RSRC1: variants seen among roughly 807,000 people sequenced by gnomAD.
RSRC1 encodes the protein arginine and serine rich coiled-coil 1.
In RSRC1, 39 loss-of-function variants were observed where a neutral mutation model predicts 49.1. That is an observed-to-expected ratio of 0.79 (90% CI 0.61 to 1.04). The LOEUF (loss-of-function observed/expected upper bound fraction) is 1.04, where lower values mean the gene tolerates loss of function less well. Among genes scored for constraint, RSRC1 ranks in the 50% least tolerant of loss-of-function variants. RSRC1 has a pLI of 0.00. For missense variants in RSRC1, 388 were observed against 402.4 expected (o/e 0.96, Z 0.31); for synonymous variants, 143 against 130.8 (o/e 1.09, Z -0.63).
chr3:158,444,790 A>T (rs1455141389), intron 6 of RSRC1, among the ~76,000 whole-genome samples: 15 of 152,196 alleles, frequency 9.9e-5, no homozygotes, highest in Non-Finnish European at 1.6e-4. Flanking sequence ...GAATCTACAA[A>T]GAACTCAAAC....
intron 6 of RSRC1, among the ~76,000 whole-genome samples, chr3:158,395,284 G>A (rs1216828472): frequency 4.6e-5 from 7 of 151,976 alleles, no homozygotes; most frequent in Admixed American, 1.3e-4. Context: ...AAGATTTCAC[G>A]ACGAAGATAC....
intron 4 of RSRC1, among the ~76,000 whole-genome samples, chr3:158,215,348 C>T (rs75370719): frequency 0.016 from 2,390 of 148,398 alleles, 84 homozygotes; most frequent in African/African-American, 0.056. Flanking sequence ...TGCTGTGTTG[C>T]CCAGGCTGGT....
chr3:158,456,200 G>A (rs1039323397), intron 6 of RSRC1, among the ~76,000 whole-genome samples: 2 of 151,782 alleles, frequency 1.3e-5, no homozygotes, highest in Non-Finnish European at 1.5e-5. Context: ...CATGAGGAAC[G>A]CACTTCTTGC....
At chr3:158,115,693 A>G (rs1239541744) in intron 1 of RSRC1, among the ~76,000 whole-genome samples, 2 of 152,106 alleles carry the variant, frequency 1.3e-5, no homozygotes, top group Non-Finnish European at 2.9e-5. Flanking sequence ...GCAAATCTCT[A>G]ATGTCTGGTT....
intron 6 of RSRC1, among the ~76,000 whole-genome samples, chr3:158,413,151 C>G (rs1490254768): frequency 6.6e-6 from 1 of 151,998 alleles, no homozygotes; most frequent in Non-Finnish European, 1.5e-5. Context: ...ACACATAGAC[C>G]AATGGAACAG....
intron 3 of RSRC1, among the ~76,000 whole-genome samples, chr3:158,142,224 T>C (rs1180036806): frequency 6.6e-6 from 1 of 152,222 alleles, no homozygotes; most frequent in Non-Finnish European, 1.5e-5. Context: ...TCATTGTAGA[T>C]TTTTGTTTCT....
At chr3:158,332,950 A>G (rs1333942086) in intron 5 of RSRC1, among the ~76,000 whole-genome samples, 1 of 150,502 alleles carries the variant, frequency 6.6e-6, no homozygotes, top group African/African-American at 2.4e-5. Flanking sequence ...TTTTTCTCTT[A>G]GGGATGCTTT....
At chr3:158,478,948 CA>C (rs10603914) in intron 7 of RSRC1, among the ~76,000 whole-genome samples, 4,524 of 112,258 alleles carry the variant, frequency 0.04, 72 homozygotes, top group Non-Finnish European at 0.045. Context: ...GGAGAAAAAG[CA>C]AAAAAAAAAA....
intron 4 of RSRC1, among the ~76,000 whole-genome samples, chr3:158,274,847 G>C (rs2698322): frequency 0.48 from 72,373 of 151,914 alleles, 17,792 homozygotes; most frequent in East Asian, 0.64. Flanking sequence ...CATATGGTTG[G>C]AAACCATGCA....
chr3:158,217,536 C>G (rs1402911136), intron 4 of RSRC1, among the ~76,000 whole-genome samples: 1 of 151,502 alleles, frequency 6.6e-6, no homozygotes, highest in South Asian at 2.1e-4. Flanking sequence ...TGTTAGGTTC[C>G]TCACATTAAA....
chr3:158,446,333 C>G (rs533731580), intron 6 of RSRC1, among the ~76,000 whole-genome samples: 1 of 149,476 alleles, frequency 6.7e-6, no homozygotes. Context: ...AGAGAAATTT[C>G]AAGAGTACTA....
chr3:158,323,747 C>A (rs1728896868), intron 5 of RSRC1, among the ~76,000 whole-genome samples: 1 of 151,984 alleles, frequency 6.6e-6, no homozygotes, highest in Non-Finnish European at 1.5e-5. Context: ...TTTTGTCTGC[C>A]TTTGGTTATT....
rs35460810 is a variant in RSRC1 at position 158,147,102 on chromosome 3, CTTTTTTTTTTTT to C, written c.320+23127_320+23138del. ...CCTTTTCTTTCTTCTGCTTTTCTGC[CTTTTTTTTTTTT>C]TTTTTTTTTTTTTTTGCTGATGTAT... On this transcript the variant is annotated intron_variant, in intron 3 of 9. Transcript: ENST00000611884. Among the ~76,000 whole-genome samples the C allele has an allele frequency of 7.5e-4, 26 of 34,738 alleles. 1 individual carries two copies. Among genetic ancestry groups the C allele is most frequent in the African/African-American group, 2.7e-3 (18 of 6,616 alleles). 22.8% of individuals were successfully genotyped at this position (34,738 alleles called of 152,430 possible). A position where few individuals can be genotyped will look rare whatever the true frequency, so the allele number is the denominator to read the frequency against.
chr3:158,133,489 A>G (rs1177383756), intron 3 of RSRC1, among the ~76,000 whole-genome samples: 9 of 152,198 alleles, frequency 5.9e-5, no homozygotes, highest in East Asian at 3.8e-4. Context: ...CAGTGAAACA[A>G]CCAAGATTTA....
At chr3:158,127,215 A>G (rs747566554) in intron 3 of RSRC1, among the ~76,000 whole-genome samples, 3 of 152,142 alleles carry the variant, frequency 2.0e-5, no homozygotes, top group Non-Finnish European at 4.4e-5. Flanking sequence ...ATGTCTTCAA[A>G]TAAGCTCTCT....
At position 158,328,460 on chromosome 3, in the gene RSRC1, C is replaced by T. The variant is rs1729318358; in HGVS notation, c.532-26397C>T. 2.6e-5 allele frequency among the ~76,000 whole-genome samples: 4 copies of T among 152,212 alleles called. No homozygotes were observed. The East Asian group carries it at 7.7e-4, about 29-fold the overall frequency. ...CAAAAATCTCTCAGCATTTGCTTGT[C>T]TGTAGAGGATTGTATTTCTCCTTCA... On this transcript the variant is annotated intron_variant, in intron 5 of 9. Transcript: ENST00000611884.
chr3:158,398,270 T>G (rs1327705130), intron 6 of RSRC1, among the ~76,000 whole-genome samples: 1 of 152,058 alleles, frequency 6.6e-6, no homozygotes, highest in African/African-American at 2.4e-5. Flanking sequence ...AGAAACTTAT[T>G]TCTCACAGTT....
intron 6 of RSRC1, among the ~76,000 whole-genome samples, chr3:158,426,075 A>T (rs1302949866): frequency 6.6e-6 from 1 of 151,736 alleles, no homozygotes; most frequent in Non-Finnish European, 1.5e-5. Context: ...TTTATTGTTC[A>T]TATGGAAATT....
At chr3:158,122,383 A>T (rs760743090) in intron 2 of RSRC1, 85 bp downstream of exon 2, 37 of 1,094,696 alleles carry the variant, frequency 3.4e-5, no homozygotes, top group Non-Finnish European at 4.2e-5. Context: ...TTTGCTAGAT[A>T]AAACATTTTT....
Sources: allele counts gnomAD v4.1 joint callset (sites outside exome capture counted in the v4.1 genomes callset), GRCh38; gene constraint gnomAD v4.1.1; transcripts MANE v1.5; gene names NCBI Gene and HGNC (gene_info 2026-07-23, HGNC 2026-07-21).